The following GATAD2B variants were observed in gnomAD, a reference collection of about 807,000 sequenced individuals.
The protein encoded by GATAD2B is GATA zinc finger domain containing 2B.
A neutral mutation model predicts 64.3 loss-of-function variants in GATAD2B; 8 were observed. The ratio of observed to expected loss-of-function variants is 0.12; its 90% confidence interval spans 0.07 to 0.22. The LOEUF is 0.22. Among genes scored for constraint, GATAD2B ranks in the 10% least tolerant of loss-of-function variants. The probability of loss-of-function intolerance (pLI) is 1.00; values close to 1 mark genes in which losing one functional copy is unlikely to be tolerated. For synonymous variants in GATAD2B, 281 were observed against 271.3 expected (o/e 1.04, Z -0.35); for missense variants, 453 against 752.0 (o/e 0.60, Z 4.65).
chr1:153,858,292 A>C (rs1024793395), intron 1 of GATAD2B, among the ~76,000 whole-genome samples: 3 of 152,162 alleles, frequency 2.0e-5, no homozygotes, highest in Non-Finnish European at 4.4e-5. Context: ...GGCTGGGGGC[A>C]TGGTGGCTTA....
chr1:153,835,960 C>T (rs554854660), intron 1 of GATAD2B, among the ~76,000 whole-genome samples: 23 of 152,226 alleles, frequency 1.5e-4, no homozygotes, highest in African/African-American at 5.5e-4. Flanking sequence ...TGACTTCAAG[C>T]AATCCTCCCG....
intron 1 of GATAD2B, among the ~76,000 whole-genome samples, chr1:153,915,670 G>C (rs996514329): frequency 6.6e-6 from 1 of 150,544 alleles, no homozygotes. Context: ...AGGAGGTGGA[G>C]GTTGCAGTGA....
intron 7 of GATAD2B, among the ~76,000 whole-genome samples, chr1:153,815,293 C>CAAAAAAAAAAAAAAAAA (rs71093285): frequency 2.7e-5 from 3 of 111,840 alleles, no homozygotes; most frequent in Non-Finnish European, 3.6e-5. Context: ...AAAAAAAAAA[C>CAAAAAAAAAAAAAAAAA]AAAAAAAAAA....
chr1:153,893,587 G>A (rs978649142), intron 1 of GATAD2B, among the ~76,000 whole-genome samples: 1 of 151,194 alleles, frequency 6.6e-6, no homozygotes, highest in Non-Finnish European at 1.5e-5. Context: ...TCCAGCCTGG[G>A]CAACAGAGCA....
At chr1:153,900,628 A>C (rs1677738295) in intron 1 of GATAD2B, among the ~76,000 whole-genome samples, 1 of 151,940 alleles carries the variant, frequency 6.6e-6, no homozygotes, top group Non-Finnish European at 1.5e-5. Flanking sequence ...CAACCCTTCC[A>C]CCTTAGCCTC....
At chr1:153,811,078 T>C (rs1178667252) in intron 10 of GATAD2B, among the ~76,000 whole-genome samples, 1 of 152,152 alleles carries the variant, frequency 6.6e-6, no homozygotes, top group Non-Finnish European at 1.5e-5. Context: ...TTTTTGTATT[T>C]TTAGTAGAGA....
At position 153,820,974 on chromosome 1, in the gene GATAD2B, A is replaced by ATTTT. The variant is rs869096882; in HGVS notation, c.336-1243_336-1240dup. On this transcript the variant is annotated intron_variant, in intron 2 of 10. Transcript: ENST00000368655. ...GTCCTAGTTGCTGTTGGCACATGGA[A>ATTTT]TTTTTTTTTTTTTTTTTTTTTTTTT... Among the ~76,000 whole-genome samples the ATTTT allele has an allele frequency of 4.1e-4, 21 of 50,840 alleles. 2 individuals carry two copies. Among genetic ancestry groups the ATTTT allele is most frequent in the African/African-American group, 1.7e-3 (20 of 11,538 alleles). 33.4% of individuals were successfully genotyped at this position (50,840 alleles called of 152,430 possible).
chr1:153,811,011 C>T (rs1480217886), intron 10 of GATAD2B, among the ~76,000 whole-genome samples: 1 of 151,554 alleles, frequency 6.6e-6, no homozygotes, highest in African/African-American at 2.4e-5. Flanking sequence ...GTAATCCACT[C>T]GCTTTGGCCT....
intron 1 of GATAD2B, among the ~76,000 whole-genome samples, chr1:153,876,543 G>A (rs907927843): frequency 6.6e-6 from 1 of 152,166 alleles, no homozygotes; most frequent in Non-Finnish European, 1.5e-5. Flanking sequence ...TCAGTAATAT[G>A]CACCAAGGAT....
At chr1:153,819,567 G>A in intron 3 of GATAD2B, 39 bp downstream of exon 3, 4 of 1,393,552 alleles carry the variant, frequency 2.9e-6, no homozygotes, top group South Asian at 2.6e-5. Flanking sequence ...AAAATAGAAG[G>A]AGCATAACAA....
chr1:153,914,912 G>A (rs922659498), intron 1 of GATAD2B, among the ~76,000 whole-genome samples: 1 of 151,978 alleles, frequency 6.6e-6, no homozygotes, highest in African/African-American at 2.4e-5. Flanking sequence ...GGGCAACAGA[G>A]CAAGGCTGTG....
chr1:153,893,246 T>G (rs1677477595), intron 1 of GATAD2B, among the ~76,000 whole-genome samples: 1 of 152,190 alleles, frequency 6.6e-6, no homozygotes, highest in Non-Finnish European at 1.5e-5. Flanking sequence ...TTCTGACTGT[T>G]GTTACGAGGA....
Position 153,816,664 on chromosome 1 carries a change from A to G in GATAD2B, c.901-76T>C, listed in dbSNP as rs559398163. The G allele has an allele frequency of 3.4e-4, 324 of 952,948 alleles. No individual in the cohort carries two copies. The highest frequency in any genetic ancestry group is 4.6e-4 in the Non-Finnish European group (284 of 617,704). The allele number at this position is 952,948 out of a possible 1,614,324, so 59.0% of individuals were successfully genotyped here. On this transcript the variant is annotated intron_variant, in intron 6 of 10. Coordinates refer to ENST00000368655, the MANE Select transcript of GATAD2B (RefSeq NM_020699.4). This position sits in a 1 kb window ranked among gnomAD's most constrained non-coding sequence, Gnocchi z 4.9. Reference sequence around the variant, plus strand: ...AATTCTTACGTTCTTGGCAGAGGACACTGTCTGATCCTGGTTTGGACTACT... The same window carrying G: ...AATTCTTACGTTCTTGGCAGAGGACGCTGTCTGATCCTGGTTTGGACTACT...
At chr1:153,826,135 C>T (rs1220942666) in intron 2 of GATAD2B, among the ~76,000 whole-genome samples, 2 of 152,056 alleles carry the variant, frequency 1.3e-5, no homozygotes, top group Non-Finnish European at 2.9e-5. Flanking sequence ...TCCCAAGTAG[C>T]GGGGACTACA....
intron 1 of GATAD2B, among the ~76,000 whole-genome samples, chr1:153,833,977 TC>T (rs1675173796): frequency 1.4e-5 from 2 of 141,294 alleles, no homozygotes; most frequent in Admixed American, 7.0e-5. Flanking sequence ...TGTCTCTCTC[TC>T]TTTTTTTTTA....
intron 1 of GATAD2B, among the ~76,000 whole-genome samples, chr1:153,846,251 T>C (rs1161217478): frequency 6.6e-6 from 1 of 152,170 alleles, no homozygotes; most frequent in Non-Finnish European, 1.5e-5. Flanking sequence ...TATGTTTGTT[T>C]TGAGACAGTC....
chr1:153,868,277 G>A (rs1304707832), intron 1 of GATAD2B, among the ~76,000 whole-genome samples: 2 of 152,082 alleles, frequency 1.3e-5, no homozygotes, highest in African/African-American at 4.8e-5. Context: ...CCCATTCCAT[G>A]TTAACATAAC....
intron 1 of GATAD2B, among the ~76,000 whole-genome samples, chr1:153,876,505 G>C (rs1479052209): frequency 1.3e-5 from 2 of 152,154 alleles, no homozygotes; most frequent in Non-Finnish European, 2.9e-5. Flanking sequence ...AAAGAGCCTA[G>C]ATGACCTTGC....
At chr1:153,831,730 C>T (rs1418405454) in intron 1 of GATAD2B, among the ~76,000 whole-genome samples, 1 of 152,134 alleles carries the variant, frequency 6.6e-6, no homozygotes. Context: ...TACCCTAACT[C>T]TATAGTTAAC....
Sources: gnomAD v4.1 joint callset for allele counts (sites outside exome capture counted in the v4.1 genomes callset) on GRCh38, gnomAD v4.1.1 for gene constraint, Gnocchi (gnomAD v3.1) non-coding constraint, MANE v1.5 for transcripts, NCBI Gene and HGNC (gene_info 2026-07-23, HGNC 2026-07-21) for gene names.